Variants in ADH7 observed in about 807,000 individuals in gnomAD.
The protein encoded by ADH7 is alcohol dehydrogenase 7 (class IV), mu or sigma polypeptide, also known as all-trans-retinol dehydrogenase [NAD(+)] ADH7.
A neutral mutation model predicts 34.4 loss-of-function variants in ADH7; 41 were observed. The ratio of observed to expected loss-of-function variants is 1.19; its 90% CI spans 0.93 to 1.55. The LOEUF is 1.55. Ranked by LOEUF, ADH7 falls within the 40% of genes most tolerant of loss-of-function variation. ADH7 has a pLI of 0.00. For missense variants in ADH7, 540 were observed against 461.2 expected, an observed-to-expected ratio of 1.17 and a Z score of -1.56; for synonymous variants, 180 against 160.9, an observed-to-expected ratio of 1.12 and a Z score of -0.90.
intron 5 of ADH7, among the ~76,000 whole-genome samples, chr4:99,426,469 A>T (rs1179494877): frequency 6.6e-6 from 1 of 152,252 alleles, no homozygotes; most frequent in Non-Finnish European, 1.5e-5. Flanking sequence ...GAAGAAATGG[A>T]TAAATTCCTT....
chr4:99,434,253 T>C (rs1210817747), intron 1 of ADH7, among the ~76,000 whole-genome samples: 2 of 152,182 alleles, frequency 1.3e-5, no homozygotes, highest in Non-Finnish European at 2.9e-5. Context: ...TTCATTAATA[T>C]CCATGGGTAG....
chr4:99,435,293 G>T lies in ADH7; in HGVS notation c.-60C>A. On this transcript the variant is annotated 5_prime_UTR_variant, in exon 1 of 9. It adds an upstream start codon to the 5' untranslated region. Transcript: ENST00000437033. ...ATAGACTTTTTCTGACTGATGCTCA[G>T]TTCACTCTGTTGTATATAACAGCAG... The T allele has an allele frequency of 6.2e-7, 1 of 1,610,028 alleles. No homozygotes were observed. The highest frequency in any genetic ancestry group is 8.5e-7 in the Non-Finnish European group (1 of 1,177,804).
At chr4:99,420,466 A>C in intron 6 of ADH7, 67 bp downstream of exon 6, 1 of 1,504,204 alleles carries the variant, frequency 6.6e-7, no homozygotes, top group East Asian at 2.3e-5. Flanking sequence ...GTTATAGACA[A>C]TTAAATTTAC....
chr4:99,414,991 G>A (rs1013768941), intron 8 of ADH7, among the ~76,000 whole-genome samples: 17 of 152,142 alleles, frequency 1.1e-4, no homozygotes, highest in Non-Finnish European at 2.1e-4. Flanking sequence ...ATCTCATCTT[G>A]AATTATAATC....
intron 8 of ADH7, among the ~76,000 whole-genome samples, chr4:99,414,728 T>C (rs1404505171): frequency 6.6e-6 from 1 of 152,154 alleles, no homozygotes; most frequent in African/African-American, 2.4e-5. Context: ...TTGGTCTTCA[T>C]CTAAAAATGG....
intron 8 of ADH7, among the ~76,000 whole-genome samples, chr4:99,415,032 C>G (rs1293132432): frequency 6.6e-6 from 1 of 152,106 alleles, no homozygotes; most frequent in Non-Finnish European, 1.5e-5. Flanking sequence ...AGGGAGAGAC[C>G]AGGTGGAGGT....
intron 3 of ADH7, 32 bp from the exon 4 acceptor site, chr4:99,428,206 G>C (rs1560564419): frequency 6.4e-7 from 1 of 1,551,618 alleles, no homozygotes; most frequent in African/African-American, 1.4e-5. Flanking sequence ...ATAAGATGCT[G>C]TTCATTAATG....
At chr4:99,434,062 C>T (rs1339111271) in intron 1 of ADH7, among the ~76,000 whole-genome samples, 1 of 152,084 alleles carries the variant, frequency 6.6e-6, no homozygotes, top group Non-Finnish European at 1.5e-5. Context: ...CTTTTATACT[C>T]TTTATATATT....
rs61730852 is a variant in ADH7, at chr4:99,415,533, C to T, written c.1045G>A (p.Val349Ile). Residue 349 changes from valine (V) to isoleucine (I), a missense_variant, in exon 8 of 9, where the codon GTT becomes ATT. Val to Ile is a conservative substitution (Grantham distance 29, BLOSUM62 3). Transcript: ENST00000437033. ...TCACTGATTTTTTTAAATGGTAAAA[C>T]ATGAGTTATCAACTGGTCCAGGTCA... ...KFDLDQLITH[V>I]LPFKKISEGF... 1.2e-4 allele frequency: 196 copies of T among 1,613,526 alleles called. No homozygotes were observed. The African/African-American group carries it at 2.5e-3, about 20-fold the overall frequency.
intron 5 of ADH7, among the ~76,000 whole-genome samples, chr4:99,421,217 A>G (rs1008050956): frequency 2.0e-5 from 3 of 152,226 alleles, no homozygotes; most frequent in Non-Finnish European, 2.9e-5. Flanking sequence ...AAAAAAACAA[A>G]GCTGGAGGCA....
intron 7 of ADH7, among the ~76,000 whole-genome samples, chr4:99,416,762 G>A (rs1721528140): frequency 6.6e-6 from 1 of 151,964 alleles, no homozygotes; most frequent in Admixed American, 6.6e-5. Context: ...CAGACTCATA[G>A]CCAATTGCCT....
intron 1 of ADH7, among the ~76,000 whole-genome samples, chr4:99,432,403 C>A (rs1004581088): frequency 5.9e-5 from 9 of 151,976 alleles, no homozygotes; most frequent in African/African-American, 2.2e-4. Context: ...ATTTGTACAC[C>A]AAACCCCATG....
intron 1 of ADH7, among the ~76,000 whole-genome samples, chr4:99,430,541 G>A (rs1000352361): frequency 1.3e-5 from 2 of 152,120 alleles, no homozygotes; most frequent in African/African-American, 4.8e-5. Context: ...CCTTCAACTT[G>A]TCAACAAACA....
At chr4:99,421,485 T>C (rs1323354519) in intron 5 of ADH7, among the ~76,000 whole-genome samples, 1 of 152,188 alleles carries the variant, frequency 6.6e-6, no homozygotes, top group Non-Finnish European at 1.5e-5. Flanking sequence ...CCTTACATCT[T>C]ACACAAAAAT....
chr4:99,423,148 A>G (rs1268492530), intron 5 of ADH7, among the ~76,000 whole-genome samples: 1 of 149,870 alleles, frequency 6.7e-6, no homozygotes, highest in South Asian at 2.1e-4. Context: ...TGTCCTTGTG[A>G]TAGTTTGCTG....
In ADH7 at chr4:99,420,641, C is replaced by A. The variant is rs189036180; in HGVS notation, c.717G>T (p.Glu239Asp). The change falls in exon 6 of 9, where the codon GAG becomes GAT. Residue 239 changes from glutamate (E) to aspartate (D), a missense_variant. Physicochemically the swap from Glu to Asp is conservative, Grantham distance 45. Coordinates refer to ENST00000437033, the MANE Select transcript of ADH7 (RefSeq NM_000673.7). The stretch of plus-strand genomic sequence containing the variant: ...TGGTAGAGTCCTTGGGACTGATACA[C>A]TCAGTGGCACCTACAGCCATGGCCT... Reference protein sequence around the residue: ...FEKAMAVGATECISPKDSTKP... With the variant: ...FEKAMAVGATDCISPKDSTKP... The A allele has an allele frequency of 1.1e-5, 17 of 1,613,944 alleles. No homozygotes were observed. In the East Asian group the frequency reaches 3.8e-4, roughly 36 times the overall value.
intron 8 of ADH7, 74 bp from the exon 9 acceptor site, chr4:99,413,246 C>T (rs1290095954): frequency 1.3e-6 from 2 of 1,515,636 alleles, no homozygotes; most frequent in Admixed American, 1.7e-5. Flanking sequence ...AACAATTGTC[C>T]TTTCTATCTG....
Position 99,428,089 on chromosome 4 carries a change from G to T in ADH7, c.345C>A (p.Ser115Arg), listed in dbSNP as rs141541308. ...RNPDGNLCIR[S>R]DITGRGVLAD... is the part of the protein sequence containing the mutation. The stretch of plus-strand genomic sequence containing the variant: ...AAGTAAAAATGACTGAAACCTACTC[G>T]CTCCTAATGCAAAGGTTGCCATCTG... Residue 115 changes from serine (S) to arginine (R), a missense_variant and splice_region_variant, in exon 4 of 9, where the codon AGC becomes AGA. Ser to Arg is a moderately radical substitution (Grantham distance 110, BLOSUM62 -1). Coordinates refer to ENST00000437033, the MANE Select transcript of ADH7 (RefSeq NM_000673.7). 4 of 1,613,716 alleles carry T rather than the reference G, an allele frequency of 2.5e-6. No individual in the cohort carries two copies. Among genetic ancestry groups the T allele is most frequent in the Non-Finnish European group, 3.4e-6 (4 of 1,179,762 alleles).
At chr4:99,429,033 C>G (rs1011451314) in intron 2 of ADH7, among the ~76,000 whole-genome samples, 5 of 152,150 alleles carry the variant, frequency 3.3e-5, no homozygotes, top group Non-Finnish European at 5.9e-5. Flanking sequence ...TACTGTTGTG[C>G]TCAGGTAACA....
Sources: gnomAD v4.1 joint callset for allele counts (sites outside exome capture counted in the v4.1 genomes callset) on GRCh38, gnomAD v4.1.1 for gene constraint, MANE v1.5 for transcripts, NCBI Gene and HGNC (gene_info 2026-07-23, HGNC 2026-07-21) for gene names.